Variants in SRD5A1 observed in about 807,000 individuals in gnomAD.
SRD5A1 encodes the protein 3-oxo-5-alpha-steroid 4-dehydrogenase 1.
SRD5A1 carries 22 observed loss-of-function variants against 28.2 expected under a neutral mutation model. That is an observed-to-expected ratio of 0.78 (90% CI 0.56 to 1.12). SRD5A1 has a LOEUF of 1.12. Among genes scored for constraint, SRD5A1 ranks in the 50% most tolerant of loss-of-function variants. The pLI is 0.00. For synonymous variants in SRD5A1, 151 were observed against 135.0 expected (o/e 1.12, Z -0.82); for missense variants, 300 against 346.7 (o/e 0.87, Z 1.07).
In SRD5A1 at chr5:6,672,116, C is replaced by CCT. The variant is rs1463026268; in HGVS notation, c.*3851_*3852dup. On this transcript the variant is annotated 3_prime_UTR_variant, in exon 5 of 5. Transcript: ENST00000274192. Reference sequence around the variant, plus strand: ...ATGATCTTGGGCCAACAGCCACCAGCCTCTGTTCATGCAGTCTCACTGAGG... The same window carrying CCT: ...ATGATCTTGGGCCAACAGCCACCAGCCTCTCTGTTCATGCAGTCTCACTGAGG... 6.6e-6 allele frequency: 1 copy of CCT among 152,250 alleles called. No individual in the cohort carries two copies. The highest frequency in any genetic ancestry group is 1.5e-5 in the Non-Finnish European group (1 of 68,118). The allele number at this position is 152,250 out of a possible 1,614,324, so 9.4% of individuals were successfully genotyped here. A position where few individuals can be genotyped will look rare whatever the true frequency, so the allele number is the denominator to read the frequency against.
chr5:6,670,128 A>G lies in SRD5A1; in HGVS notation c.*1860A>G, dbSNP rs1458405116. On this transcript the variant is annotated 3_prime_UTR_variant, in exon 5 of 5. Transcript: ENST00000274192. ...ATGAGCCATGTGCCCATTGCCGGGG[A>G]AGAGAAGGTAGGCTGAGGAGGTGGC... The G allele has an allele frequency of 6.6e-6, 1 of 152,256 alleles. No homozygotes were observed. Among genetic ancestry groups the G allele is most frequent in the Non-Finnish European group, 1.5e-5 (1 of 68,102 alleles). The allele number at this position is 152,256 out of a possible 1,614,324, so 9.4% of individuals were successfully genotyped here. A position where few individuals can be genotyped will look rare whatever the true frequency, so the allele number is the denominator to read the frequency against.
intron 1 of SRD5A1, among the ~76,000 whole-genome samples, chr5:6,645,575 G>A (rs944443219): frequency 6.6e-6 from 1 of 151,530 alleles, no homozygotes; most frequent in Non-Finnish European, 1.5e-5. Context: ...GGAGGCGGAG[G>A]TTGCGGTGAG....
At chr5:6,637,492 C>A (rs1192466298) in intron 1 of SRD5A1, among the ~76,000 whole-genome samples, 1 of 152,164 alleles carries the variant, frequency 6.6e-6, no homozygotes, top group African/African-American at 2.4e-5. Flanking sequence ...GTCGGAGTCG[C>A]TGGGGGGCTT....
chr5:6,645,553 C>T (rs967693213), intron 1 of SRD5A1, among the ~76,000 whole-genome samples: 2 of 151,696 alleles, frequency 1.3e-5, no homozygotes, highest in African/African-American at 2.4e-5. Context: ...GCAGGAGAAT[C>T]GCTTCAACCC....
intron 3 of SRD5A1, among the ~76,000 whole-genome samples, chr5:6,656,468 CTT>C (rs1264054981): frequency 6.6e-6 from 1 of 152,186 alleles, no homozygotes. Flanking sequence ...GTGTCTGACA[CTT>C]TTGTTTCTAG....
chr5:6,666,369 T>C lies in SRD5A1; in HGVS notation c.714-1833T>C, dbSNP rs8192243. 4.8e-3 allele frequency among the ~76,000 whole-genome samples: 735 copies of C among 152,286 alleles called. 3 individuals carry two copies. Among genetic ancestry groups the C allele is most frequent in the East Asian group, 0.021 (111 of 5,170 alleles). On this transcript the variant is annotated intron_variant, in intron 4 of 4. Transcript: ENST00000274192. ...TTCACCGTGTCAGCCAGGATGGTCT[T>C]GATCTCCTGACCTCGTGATTTGCCC...
At chr5:6,665,720 T>G (rs1739151721) in intron 4 of SRD5A1, among the ~76,000 whole-genome samples, 1 of 152,104 alleles carries the variant, frequency 6.6e-6, no homozygotes, top group South Asian at 2.1e-4. Flanking sequence ...AGAGTAAGAT[T>G]GAACATGGGC....
rs1200778436 is a variant in SRD5A1 at position 6,671,506 on chromosome 5, TTTAA to T, written c.*3243_*3246del. 6.6e-6 allele frequency: 1 copy of T among 152,216 alleles called. No homozygotes were observed. Among genetic ancestry groups the T allele is most frequent in the Non-Finnish European group, 1.5e-5 (1 of 68,042 alleles). 9.4% of individuals were successfully genotyped at this position (152,216 alleles called of 1,614,324 possible). On this transcript the variant is annotated 3_prime_UTR_variant, in exon 5 of 5. Transcript: ENST00000274192. ...CTTTTACCATGCAAAAGCTCTTTAG[TTTAA>T]TTAAGTCCCATCTATTTATCTTTGT...
rs1451241141 is a variant in SRD5A1, at chr5:6,674,165, T to C, written c.*5897T>C. 6.6e-6 allele frequency: 1 copy of C among 151,920 alleles called. No homozygotes were observed. The highest frequency in any genetic ancestry group is 1.5e-5 in the Non-Finnish European group (1 of 67,994). 9.4% of individuals were successfully genotyped at this position (151,920 alleles called of 1,614,324 possible). A position where few individuals can be genotyped will look rare whatever the true frequency, so the allele number is the denominator to read the frequency against. ...ATTTTCATTATTATCTAAAATGTTATTTAATTATTAAATTTAGATGCTACT... is the reference window on the plus strand; with the variant it reads ...ATTTTCATTATTATCTAAAATGTTACTTAATTATTAAATTTAGATGCTACT... On this transcript the variant is annotated 3_prime_UTR_variant, in exon 5 of 5. Transcript: ENST00000274192.
Position 6,633,881 on chromosome 5 carries a change from G to A in SRD5A1, c.293+12G>A, listed in dbSNP as rs1175469983. 2.5e-6 allele frequency: 4 copies of A among 1,596,128 alleles called. No individual in the cohort carries two copies. Among genetic ancestry groups the A allele is most frequent in the African/African-American group, 1.3e-5 (1 of 74,806 alleles). Reference sequence around the variant, plus strand: ...CACTACGGGCATCGGTAACGTCCCCGGCCCCCGGCCCCCTACCCTACTCCC... The same window carrying A: ...CACTACGGGCATCGGTAACGTCCCCAGCCCCCGGCCCCCTACCCTACTCCC... On this transcript the variant is annotated intron_variant, in intron 1 of 4. Transcript: ENST00000274192.
At chr5:6,657,600 ACAGTCCTGGGGAAGGC>A (rs1443293977) in intron 3 of SRD5A1, among the ~76,000 whole-genome samples, 8 of 152,260 alleles carry the variant, frequency 5.3e-5, no homozygotes. Context: ...GGGACAGGGC[ACAGTCCTGGGGAAGGC>A]AGAATGAAAA....
At chr5:6,644,931 G>A (rs8192179) in intron 1 of SRD5A1, 16,006 of 455,974 alleles carry the variant, frequency 0.035, 650 homozygotes, top group South Asian at 0.1. Flanking sequence ...GGGATTCGTT[G>A]TTCTTATTCA....
chr5:6,640,300 G>C (rs576015188), intron 1 of SRD5A1, among the ~76,000 whole-genome samples: 73 of 152,280 alleles, frequency 4.8e-4, no homozygotes, highest in South Asian at 1.0e-3. Context: ...GAAACACTTT[G>C]ATAAGGAACT....
At chr5:6,665,578 C>T (rs1189103787) in intron 4 of SRD5A1, among the ~76,000 whole-genome samples, 1 of 152,200 alleles carries the variant, frequency 6.6e-6, no homozygotes, top group Non-Finnish European at 1.5e-5. Flanking sequence ...TGCACCTGGC[C>T]TGGGCCTCAC....
At position 6,633,619 on chromosome 5, in the gene SRD5A1, G is replaced by T; in HGVS notation, c.43G>T (p.Ala15Ser). The T allele has an allele frequency of 6.5e-7, 1 of 1,531,416 alleles. No individual in the cohort carries two copies. The highest frequency in any genetic ancestry group is 8.7e-7 in the Non-Finnish European group (1 of 1,146,994). The allele number at this position is 1,531,416 out of a possible 1,614,324, so 94.9% of individuals were successfully genotyped here. Reference protein sequence around the residue: ...TGVAEERLLAALAYLQCAVGC... With the variant: ...TGVAEERLLASLAYLQCAVGC... Reference sequence around the variant, plus strand: ...GGTGGCGGAGGAGCGCCTGCTGGCCGCGCTCGCCTACCTGCAGTGCGCCGT... The same window carrying T: ...GGTGGCGGAGGAGCGCCTGCTGGCCTCGCTCGCCTACCTGCAGTGCGCCGT... Residue 15 changes from alanine to serine, a missense_variant, in exon 1 of 5, where the codon GCG becomes TCG. Ala to Ser is a moderately conservative substitution (Grantham distance 99, BLOSUM62 1). Around this residue, in one of 2 missense-constraint regions of SRD5A1, gnomAD observed 174 missense variants for 160.9 expected, o/e 1.08. Coordinates refer to ENST00000274192, the MANE Select transcript of SRD5A1 (RefSeq NM_001047.4).
At chr5:6,639,310 C>T (rs1738291116) in intron 1 of SRD5A1, among the ~76,000 whole-genome samples, 1 of 152,182 alleles carries the variant, frequency 6.6e-6, no homozygotes. Context: ...GCATACTGTG[C>T]TATATTTTGA....
intron 1 of SRD5A1, among the ~76,000 whole-genome samples, chr5:6,641,268 C>T (rs987816372): frequency 2.0e-5 from 3 of 152,212 alleles, no homozygotes; most frequent in African/African-American, 7.2e-5. Flanking sequence ...CATGCCCAGA[C>T]ACCTTCTTCC....
intron 1 of SRD5A1, among the ~76,000 whole-genome samples, chr5:6,641,280 G>C (rs985912632): frequency 6.6e-6 from 1 of 152,086 alleles, no homozygotes. Flanking sequence ...CCTTCTTCCC[G>C]ACCCCACCCC....
chr5:6,664,119 A>T (rs978240546), intron 4 of SRD5A1, among the ~76,000 whole-genome samples: 1 of 152,200 alleles, frequency 6.6e-6, no homozygotes, highest in African/African-American at 2.4e-5. Flanking sequence ...ATGCACATTT[A>T]CTATGTCCCC....
Sources: allele counts gnomAD v4.1 joint callset (sites outside exome capture counted in the v4.1 genomes callset), GRCh38; gene constraint gnomAD v4.1.1; regional missense constraint gnomAD v4.1.1; transcripts MANE v1.5; gene names NCBI Gene and HGNC (gene_info 2026-07-23, HGNC 2026-07-21).